Variants in INTS9 observed in about 807,000 individuals in gnomAD.
The protein encoded by INTS9 is integrator complex subunit 9, also known as protein related to CPSF subunits of 74 kDa.
INTS9 carries 55 observed loss-of-function variants against 79.7 expected under a neutral mutation model. That is an observed-to-expected ratio of 0.69 (90% confidence interval 0.56 to 0.86). The LOEUF (loss-of-function observed/expected upper bound fraction) is 0.86, where lower values mean the gene tolerates loss of function less well. Among genes scored for constraint, INTS9 ranks in the 40% least tolerant of loss-of-function variants. The probability of loss-of-function intolerance (pLI) is 0.00; values close to 1 mark genes in which losing one functional copy is unlikely to be tolerated. For synonymous variants in INTS9, 319 were observed against 325.2 expected (o/e 0.98, Z 0.20); for missense variants, 721 against 831.5 (o/e 0.87, Z 1.64).
intron 1 of INTS9, among the ~76,000 whole-genome samples, chr8:28,864,856 C>T (rs1808650021): frequency 6.6e-6 from 1 of 151,790 alleles, no homozygotes; most frequent in Non-Finnish European, 1.5e-5. Flanking sequence ...CATGGTGGTG[C>T]ACACCTGTAA....
At chr8:28,815,325 G>A (rs241153) in intron 6 of INTS9, among the ~76,000 whole-genome samples, 114,954 of 152,114 alleles carry the variant, frequency 0.76, 43,683 homozygotes, top group Non-Finnish European at 0.8. Flanking sequence ...TTATACAAAC[G>A]TGAAAGAGGT....
intron 1 of INTS9, among the ~76,000 whole-genome samples, chr8:28,881,131 G>C (rs1278298266): frequency 0.015 from 2,207 of 146,342 alleles, 32 homozygotes; most frequent in African/African-American, 0.053. Context: ...AGGTGGGGGG[G>C]TCAGCCCCCC....
intron 14 of INTS9, among the ~76,000 whole-genome samples, chr8:28,774,287 T>C (rs909402564): frequency 6.6e-6 from 1 of 152,242 alleles, no homozygotes; most frequent in Non-Finnish European, 1.5e-5. Flanking sequence ...CCCTTAGTTA[T>C]GTTAACATAT....
chr8:28,812,178 TGA>T, intron 8 of INTS9, 147 bp downstream of exon 8: 1 of 772,732 alleles, frequency 1.3e-6, no homozygotes, highest in East Asian at 2.7e-5. Context: ...GTCAAAATGT[TGA>T]GACTCAAATA....
At chr8:28,836,572 C>G (rs1401644096) in intron 5 of INTS9, among the ~76,000 whole-genome samples, 3 of 152,216 alleles carry the variant, frequency 2.0e-5, no homozygotes, top group African/African-American at 7.2e-5. Context: ...CTCCTTCCAT[C>G]TTGAAGGAAG....
At chr8:28,880,140 A>T (rs185307938) in intron 1 of INTS9, among the ~76,000 whole-genome samples, 13 of 151,964 alleles carry the variant, frequency 8.6e-5, no homozygotes, top group African/African-American at 3.1e-4. Context: ...CATGCTGGAA[A>T]AAAATAGAGG....
chr8:28,800,155 C>G (rs1415466090), intron 8 of INTS9, among the ~76,000 whole-genome samples: 1 of 152,166 alleles, frequency 6.6e-6, no homozygotes, highest in Non-Finnish European at 1.5e-5. Context: ...TTCCCTGTTG[C>G]CTAGCAAAAT....
intron 1 of INTS9, chr8:28,861,919 T>C (rs1308100020): frequency 5.2e-6 from 1 of 194,142 alleles, no homozygotes; most frequent in Non-Finnish European, 9.4e-6. Flanking sequence ...CTTATTTGTA[T>C]AGATGAGAAG....
chr8:28,778,413 G>GA (rs1803029336), intron 12 of INTS9, among the ~76,000 whole-genome samples: 2 of 152,194 alleles, frequency 1.3e-5, no homozygotes, highest in South Asian at 4.1e-4. Context: ...AATACAATGG[G>GA]AAAAACTGAC....
At chr8:28,881,228 A>G (rs1246982352) in intron 1 of INTS9, among the ~76,000 whole-genome samples, 10 of 147,122 alleles carry the variant, frequency 6.8e-5, no homozygotes, top group African/African-American at 1.3e-4. Context: ...CTGCCCGGCC[A>G]GTCGCCCCGT....
chr8:28,838,530 C>T (rs1016115278), intron 4 of INTS9, among the ~76,000 whole-genome samples: 2 of 152,200 alleles, frequency 1.3e-5, no homozygotes, highest in African/African-American at 4.8e-5. Flanking sequence ...ACGCAATTCT[C>T]TTCTTCCACT....
chr8:28,787,320 G>T (rs1803662073), intron 11 of INTS9, among the ~76,000 whole-genome samples: 1 of 152,160 alleles, frequency 6.6e-6, no homozygotes, highest in Admixed American at 6.5e-5. Context: ...TAACTGGAAA[G>T]AACACTCTGA....
chr8:28,868,763 T>TTATA (rs1404022599), intron 1 of INTS9, among the ~76,000 whole-genome samples: 1 of 152,160 alleles, frequency 6.6e-6, no homozygotes, highest in African/African-American at 2.4e-5. Context: ...AACTCCTCTT[T>TTATA]TATATAACCT....
intron 6 of INTS9, among the ~76,000 whole-genome samples, chr8:28,824,433 G>A (rs1342020733): frequency 6.6e-6 from 1 of 152,206 alleles, no homozygotes; most frequent in East Asian, 1.9e-4. Flanking sequence ...GCAAGGCCCT[G>A]CCTGCCTGCA....
chr8:28,775,242 A>G (rs1802796296), intron 14 of INTS9, among the ~76,000 whole-genome samples: 1 of 152,212 alleles, frequency 6.6e-6, no homozygotes, highest in South Asian at 2.1e-4. Context: ...ATGCTAGGTA[A>G]GGAGCAGTCC....
chr8:28,844,747 C>G (rs1807403521), intron 4 of INTS9, among the ~76,000 whole-genome samples: 1 of 152,114 alleles, frequency 6.6e-6, no homozygotes, highest in South Asian at 2.1e-4. Context: ...ACCCAGGAGG[C>G]TGAGGTTGCA....
intron 6 of INTS9, among the ~76,000 whole-genome samples, chr8:28,816,230 G>A (rs2131070217): frequency 6.6e-6 from 1 of 150,548 alleles, no homozygotes; most frequent in Admixed American, 6.6e-5. Flanking sequence ...GTATACATGT[G>A]CCATGCTGGT....
At position 28,780,857 on chromosome 8, in the gene INTS9, C is replaced by G. The variant is rs1260389599; in HGVS notation, c.1236G>C (p.Trp412Cys). Residue 412 changes from tryptophan to cysteine, a missense_variant, in exon 12 of 17, where the codon TGG becomes TGC. Trp to Cys is a radical substitution (Grantham distance 215). This residue lies in a region of INTS9 where 149 missense variants were observed against 223.7 expected (regional missense o/e 0.67). Transcript: ENST00000521022. ...TGACGGTATTGAGACTAGATTTTCC[C>G]CAGAGCTCCATGAAGTGGACCACGT... is the stretch of plus-strand genomic sequence containing the variant. ...FGDVVHFMEL[W>C]GKSSLNTVIF... 1 of 1,613,966 alleles carries G rather than the reference C, an allele frequency of 6.2e-7. No homozygotes were observed. The highest frequency in any genetic ancestry group is 1.3e-5 in the African/African-American group (1 of 74,882).
chr8:28,866,602 G>C (rs571407683), intron 1 of INTS9, among the ~76,000 whole-genome samples: 10 of 152,174 alleles, frequency 6.6e-5, no homozygotes, highest in South Asian at 6.2e-4. Flanking sequence ...TATCAATCTT[G>C]AAATACGCAT....
Sources: allele counts gnomAD v4.1 joint callset (sites outside exome capture counted in the v4.1 genomes callset), GRCh38; gene constraint gnomAD v4.1.1; regional missense constraint gnomAD v4.1.1; transcripts MANE v1.5; gene names NCBI Gene and HGNC (gene_info 2026-07-23, HGNC 2026-07-21).